Variants in DNAAF9 observed in about 807,000 individuals in gnomAD.
DNAAF9 encodes the protein shulin.
In DNAAF9, 90 loss-of-function variants were observed where a neutral mutation model predicts 167.0. The ratio of observed to expected loss-of-function variants is 0.54; its 90% CI spans 0.45 to 0.64. The LOEUF (loss-of-function observed/expected upper bound fraction) is 0.64, where lower values mean the gene tolerates loss of function less well. DNAAF9 is among the 30% of genes least tolerant of loss of function. The pLI is 0.00. For missense variants in DNAAF9, 1,315 were observed against 1,442.2 expected (o/e 0.91, Z 1.43); for synonymous variants, 491 against 508.8 (o/e 0.96, Z 0.47).
intron 3 of DNAAF9, 137 bp downstream of exon 3, chr20:3,381,242 C>G: frequency 3.0e-6 from 2 of 664,434 alleles, no homozygotes. Context: ...CCGTTTTTTT[C>G]ATTCTTTAAA....
intron 30 of DNAAF9, among the ~76,000 whole-genome samples, chr20:3,269,479 G>C (rs890549478): frequency 6.6e-6 from 1 of 152,112 alleles, no homozygotes; most frequent in Non-Finnish European, 1.5e-5. Context: ...TGGGATTACA[G>C]GTTGAGCCAT....
intron 6 of DNAAF9, among the ~76,000 whole-genome samples, chr20:3,369,148 A>C (rs2083475748): frequency 6.6e-6 from 1 of 150,798 alleles, no homozygotes; most frequent in Non-Finnish European, 1.5e-5. Context: ...AAAAAAGGAT[A>C]TTCTTTTATC....
chr20:3,353,590 T>C (rs904093516), intron 7 of DNAAF9, among the ~76,000 whole-genome samples: 69 of 150,002 alleles, frequency 4.6e-4, no homozygotes, highest in African/African-American at 1.7e-3. Flanking sequence ...ATAGCACCAC[T>C]GCACTCCAGC....
chr20:3,355,548 T>C (rs143189570), intron 7 of DNAAF9, among the ~76,000 whole-genome samples: 1 of 145,726 alleles, frequency 6.9e-6, no homozygotes, highest in Non-Finnish European at 1.5e-5. Flanking sequence ...CACTCCAGCC[T>C]GGGTGACAGT....
chr20:3,270,292 G>A, intron 30 of DNAAF9, 135 bp downstream of exon 30: 1 of 749,298 alleles, frequency 1.3e-6, no homozygotes, highest in Non-Finnish European at 2.3e-6. Flanking sequence ...ATAGGTGCGT[G>A]CCACCGCACC....
chr20:3,352,890 T>C (rs188303661), intron 7 of DNAAF9, among the ~76,000 whole-genome samples: 373 of 149,136 alleles, frequency 2.5e-3, no homozygotes, highest in African/African-American at 8.3e-3. Context: ...ACATGTTATA[T>C]ATATATGTAA....
intron 31 of DNAAF9, among the ~76,000 whole-genome samples, chr20:3,262,272 C>A (rs558086075): frequency 1.4e-4 from 20 of 141,018 alleles, no homozygotes; most frequent in Non-Finnish European, 2.6e-4. Context: ...TTTTTTGACA[C>A]GGAGTTTTGC....
chr20:3,255,468 C>G (rs2068262522), intron 34 of DNAAF9, among the ~76,000 whole-genome samples, 184 bp from the exon 35 acceptor site: 1 of 152,072 alleles, frequency 6.6e-6, no homozygotes, highest in Non-Finnish European at 1.5e-5. Flanking sequence ...CATCACAGAG[C>G]CCTGTGAGCC....
At chr20:3,334,689 T>C (rs780090936) in intron 10 of DNAAF9, among the ~76,000 whole-genome samples, 4 of 152,246 alleles carry the variant, frequency 2.6e-5, no homozygotes, top group Non-Finnish European at 5.9e-5. Flanking sequence ...AGAGTTCCTG[T>C]TGCTCCATAT....
chr20:3,352,910 GAAATAATTCTATAT>G (rs2070353651), intron 7 of DNAAF9, among the ~76,000 whole-genome samples: 2 of 147,574 alleles, frequency 1.4e-5, no homozygotes, highest in Non-Finnish European at 3.0e-5. Context: ...AATTCCATAT[GAAATAATTCTATAT>G]GAAATGTTAT....
intron 17 of DNAAF9, among the ~76,000 whole-genome samples, chr20:3,317,937 C>G (rs2069533988): frequency 6.6e-6 from 1 of 152,064 alleles, no homozygotes; most frequent in Non-Finnish European, 1.5e-5. Flanking sequence ...GATTACATAT[C>G]TTCATTTATA....
intron 7 of DNAAF9, among the ~76,000 whole-genome samples, chr20:3,352,885 TTATA>T (rs59930160): frequency 6.7e-6 from 1 of 148,870 alleles, no homozygotes; most frequent in Non-Finnish European, 1.5e-5. Context: ...TATTTACATG[TTATA>T]TATATATGTA....
intron 30 of DNAAF9, 73 bp downstream of exon 30, chr20:3,270,354 G>C (rs2068571489): frequency 1.4e-6 from 2 of 1,396,504 alleles, no homozygotes; most frequent in South Asian, 2.3e-5. Context: ...ACAGTAGAAA[G>C]ACTCTGTGGG....
At chr20:3,316,457 G>A (rs868808552) in intron 18 of DNAAF9, among the ~76,000 whole-genome samples, 3 of 151,984 alleles carry the variant, frequency 2.0e-5, no homozygotes, top group Non-Finnish European at 2.9e-5. Context: ...GTAAAATGAG[G>A]CTCTTAATTT....
At position 3,259,947 on chromosome 20, in the gene DNAAF9, C is replaced by T. The variant is rs369010167; in HGVS notation, c.2955G>A (p.Lys985=). ...ICVWFGRPLE[K]TRFVAKCKAI... ...CTTTACATTTGGCCACAAAGCGAGT[C>T]TTCTCCAAGGGACGGCCAAACCATA... Residue 985 remains lysine (K), a synonymous_variant, in exon 32 of 37, where the codon AAG becomes AAA. Coordinates refer to ENST00000252032, the MANE Select transcript of DNAAF9 (RefSeq NM_001009984.3). 386 of 1,610,594 alleles carry T rather than the reference C, an allele frequency of 2.4e-4. No individual in the cohort carries two copies. The highest frequency in any genetic ancestry group is 3.2e-4 in the Non-Finnish European group (377 of 1,176,796).
At chr20:3,276,508 G>A (rs1452789692) in intron 29 of DNAAF9, among the ~76,000 whole-genome samples, 1 of 152,202 alleles carries the variant, frequency 6.6e-6, no homozygotes, top group Non-Finnish European at 1.5e-5. Context: ...CCTACCAAAT[G>A]CCAGAGAGAA....
chr20:3,354,105 G>A (rs981227212), intron 7 of DNAAF9, among the ~76,000 whole-genome samples: 4 of 152,182 alleles, frequency 2.6e-5, no homozygotes. Flanking sequence ...CCACTTTACA[G>A]AAGAGACTGA....
At chr20:3,328,997 G>A (rs2069770521) in intron 12 of DNAAF9, among the ~76,000 whole-genome samples, 1 of 151,864 alleles carries the variant, frequency 6.6e-6, no homozygotes, top group Non-Finnish European at 1.5e-5. Flanking sequence ...AGCCTCCTGA[G>A]TAGCTGGGAT....
intron 1 of DNAAF9, among the ~76,000 whole-genome samples, chr20:3,397,318 G>GTTTTGTTTTTTGTT (rs148431224): frequency 7.0e-6 from 1 of 142,014 alleles, no homozygotes; most frequent in African/African-American, 2.7e-5. Flanking sequence ...TTTTTGTTTT[G>GTTTTGTTTTTTGTT]TTTTGTTTTT....
Sources: allele counts gnomAD v4.1 joint callset (sites outside exome capture counted in the v4.1 genomes callset), GRCh38; gene constraint gnomAD v4.1.1; transcripts MANE v1.5; gene names NCBI Gene and HGNC (gene_info 2026-07-23, HGNC 2026-07-21).